GBF1: variants seen among roughly 807,000 people sequenced by gnomAD.
GBF1 encodes golgi brefeldin A resistant guanine nucleotide exchange factor 1, also known as Golgi-specific brefeldin A-resistance guanine nucleotide exchange factor 1.
In GBF1, 114 loss-of-function variants were observed where a neutral mutation model predicts 210.5. The observed-to-expected ratio is 0.54, with a 90% CI of 0.47 to 0.63. The LOEUF (loss-of-function observed/expected upper bound fraction) is 0.63, where lower values mean the gene tolerates loss of function less well. Ranked by LOEUF, GBF1 falls within the 30% of genes least tolerant of loss-of-function variation. The probability of loss-of-function intolerance (pLI) is 0.00; values close to 1 mark genes in which losing one functional copy is unlikely to be tolerated. For synonymous variants in GBF1, 850 were observed against 889.2 expected, an observed-to-expected ratio of 0.96 and a Z score of 0.78; for missense variants, 1,851 against 2,357.7, an observed-to-expected ratio of 0.79 and a Z score of 4.45.
chr10:102,299,196 G>A (rs1440726300), intron 3 of GBF1, among the ~76,000 whole-genome samples: 3 of 152,162 alleles, frequency 2.0e-5, no homozygotes, highest in African/African-American at 7.2e-5. Context: ...ATTGATACAT[G>A]CAATAACCTA....
chr10:102,289,533 T>C (rs1158000564), intron 3 of GBF1, among the ~76,000 whole-genome samples: 1 of 152,166 alleles, frequency 6.6e-6, no homozygotes, highest in Admixed American at 6.5e-5. Flanking sequence ...GAGACTAGCC[T>C]GAGCAACATA....
chr10:102,338,569 T>C (rs2057941222), intron 3 of GBF1, among the ~76,000 whole-genome samples: 1 of 151,942 alleles, frequency 6.6e-6, no homozygotes, highest in Non-Finnish European at 1.5e-5. Flanking sequence ...ATTTGACAGA[T>C]GAAGGTCTTG....
chr10:102,319,053 C>T (rs1374732274), intron 3 of GBF1, among the ~76,000 whole-genome samples: 1 of 152,178 alleles, frequency 6.6e-6, no homozygotes, highest in Non-Finnish European at 1.5e-5. Context: ...CGCAGTGGCT[C>T]ATGCCTGTAA....
At position 102,379,314 on chromosome 10, in the gene GBF1, C is replaced by T. The variant is rs749045556; in HGVS notation, c.4525C>T (p.Arg1509Trp). ...AGACCTGATGCACACCCTGCACACG[C>T]GGGCAGCCTCTATCTACAGCTCATG... The part of the protein sequence containing the change: ...LLDLMHTLHT[R>W]AASIYSSWAE... The change falls in exon 34 of 40, where the codon CGG (arginine) becomes TGG (tryptophan). Residue 1509 changes from arginine (R) to tryptophan (W), a missense_variant. Around this residue, in one of 3 missense-constraint regions of GBF1, gnomAD observed 967 missense variants for 1,247.7 expected, o/e 0.78. Coordinates refer to ENST00000369983, the MANE Select transcript of GBF1 (RefSeq NM_001377137.1). 8.7e-6 allele frequency: 14 copies of T among 1,613,618 alleles called. No homozygotes were observed. The highest frequency in any genetic ancestry group is 2.2e-5 in the East Asian group (1 of 44,898).
chr10:102,298,331 G>A (rs1421799562), intron 3 of GBF1, among the ~76,000 whole-genome samples: 1 of 152,156 alleles, frequency 6.6e-6, no homozygotes, highest in African/African-American at 2.4e-5. Context: ...GACAAGTCGA[G>A]TCCACACCTG....
chr10:102,317,101 C>CT (rs1292343070), intron 3 of GBF1, among the ~76,000 whole-genome samples: 29 of 151,140 alleles, frequency 1.9e-4, no homozygotes, highest in African/African-American at 5.6e-4. Context: ...CCAGTGCCCC[C>CT]TTTTTTTTTC....
At chr10:102,255,508 A>T (rs1337192372) in intron 1 of GBF1, among the ~76,000 whole-genome samples, 2 of 152,216 alleles carry the variant, frequency 1.3e-5, no homozygotes, top group Admixed American at 1.3e-4. Flanking sequence ...AAAGGTAAAA[A>T]AGAATATACA....
At chr10:102,286,396 T>C (rs1000960239) in intron 3 of GBF1, among the ~76,000 whole-genome samples, 8 of 152,180 alleles carry the variant, frequency 5.3e-5, no homozygotes, top group Admixed American at 1.3e-4. Flanking sequence ...AGCAGTAATA[T>C]ATCAGAGATC....
intron 3 of GBF1, among the ~76,000 whole-genome samples, chr10:102,311,648 C>T (rs1260197855): frequency 6.6e-6 from 1 of 152,192 alleles, no homozygotes; most frequent in Non-Finnish European, 1.5e-5. Flanking sequence ...TGACTTCATC[C>T]AAACCAGCTT....
chr10:102,299,524 T>C (rs896018728), intron 3 of GBF1, among the ~76,000 whole-genome samples: 11 of 152,238 alleles, frequency 7.2e-5, no homozygotes, highest in East Asian at 1.9e-4. Context: ...GGCTCATGCC[T>C]GTAATCCCAG....
chr10:102,379,587 G>A lies in GBF1; in HGVS notation c.4712G>A (p.Arg1571Gln). Reference sequence around the variant, plus strand: ...ATGCAGGCACTGACCTATCTGCAGCGAGCACTACTTGTACATGATCTGCAA... The same window carrying A: ...ATGCAGGCACTGACCTATCTGCAGCAAGCACTACTTGTACATGATCTGCAA... ...VRMQALTYLQ[R>Q]ALLVHDLQKL... is the part of the protein sequence containing the mutation. The change falls in exon 35 of 40, where the codon CGA becomes CAA. Residue 1571 changes from arginine (R) to glutamine (Q), a missense_variant. Arg to Gln is a conservative substitution (Grantham distance 43). Around this residue, in one of 3 missense-constraint regions of GBF1, gnomAD observed 967 missense variants for 1,247.7 expected, o/e 0.78. Transcript: ENST00000369983. The A allele has an allele frequency of 3.1e-6, 5 of 1,614,104 alleles. No individual in the cohort carries two copies. The highest frequency in any genetic ancestry group is 1.7e-5 in the Admixed American group (1 of 60,026).
At chr10:102,345,642 G>A (rs7098495) in intron 4 of GBF1, among the ~76,000 whole-genome samples, 1,484 of 85,552 alleles carry the variant, frequency 0.017, 27 homozygotes, top group African/African-American at 0.063. Context: ...GCAAGACTCC[G>A]TCTCAAAAAA....
intron 6 of GBF1, 27 bp downstream of exon 6, chr10:102,351,978 A>C: frequency 8.3e-7 from 1 of 1,212,048 alleles, no homozygotes. Flanking sequence ...TAGCCCCTTC[A>C]CCATTCCTGG....
intron 3 of GBF1, among the ~76,000 whole-genome samples, chr10:102,270,370 A>G (rs2074285514): frequency 6.6e-6 from 1 of 151,426 alleles, no homozygotes; most frequent in African/African-American, 2.4e-5. Flanking sequence ...GGGTTTCACC[A>G]TGTTGGCCAG....
intron 39 of GBF1, among the ~76,000 whole-genome samples, chr10:102,381,586 G>T (rs768057538): frequency 6.6e-6 from 1 of 152,050 alleles, no homozygotes; most frequent in African/African-American, 2.4e-5. Flanking sequence ...ACTTTGGGAG[G>T]CTGAGGCAGG....
rs1395404370 is a variant in GBF1, at chr10:102,382,145, C to T, written c.5392C>T (p.Pro1798Ser). ...ASSPSRLSPT[P>S]DGPPPLAQPP... is the part of the protein sequence containing the mutation. ...AAGCCCCAGCAGGCTGAGCCCCACCCCCGACGGGCCTCCACCCTTGGCTCA... is the reference window on the plus strand; with the variant it reads ...AAGCCCCAGCAGGCTGAGCCCCACCTCCGACGGGCCTCCACCCTTGGCTCA... The change falls in exon 40 of 40, where the codon CCC (proline) becomes TCC (serine). Residue 1798 changes from proline to serine, a missense_variant. This residue lies in a region of GBF1 where 967 missense variants were observed against 1,247.7 expected (regional missense o/e 0.78). Transcript: ENST00000369983. The T allele has an allele frequency of 1.9e-6, 3 of 1,611,794 alleles. No homozygotes were observed. The East Asian group carries it at 6.7e-5, about 36-fold the overall frequency.
intron 14 of GBF1, 138 bp downstream of exon 14, chr10:102,362,050 CTTTTTT>C (rs1164670758): frequency 5.3e-4 from 66 of 124,664 alleles, no homozygotes; most frequent in East Asian, 1.3e-3. Flanking sequence ...CTTTTCTTTT[CTTTTTT>C]TTTTTTTTTT....
chr10:102,347,347 A>T (rs2058644405), intron 4 of GBF1, among the ~76,000 whole-genome samples: 1 of 152,220 alleles, frequency 6.6e-6, no homozygotes. Context: ...CCCTAGTCCC[A>T]GCTTCATACT....
At chr10:102,302,020 C>T (rs919485563) in intron 3 of GBF1, among the ~76,000 whole-genome samples, 1 of 152,210 alleles carries the variant, frequency 6.6e-6, no homozygotes, top group Non-Finnish European at 1.5e-5. Flanking sequence ...CCCGGCACCT[C>T]GGGAGGCCGA....
Sources: gnomAD v4.1 joint callset for allele counts (sites outside exome capture counted in the v4.1 genomes callset) on GRCh38, gnomAD v4.1.1 for gene constraint, gnomAD v4.1.1 regional missense constraint, MANE v1.5 for transcripts, NCBI Gene and HGNC (gene_info 2026-07-23, HGNC 2026-07-21) for gene names.